Variants in ANKRD11 observed in about 807,000 individuals in gnomAD.
The protein encoded by ANKRD11 is ankyrin repeat domain 11, also known as ankyrin repeat domain-containing protein 11.
A neutral mutation model predicts 195.7 loss-of-function variants in ANKRD11; 17 were observed. The observed-to-expected ratio is 0.09, with a 90% confidence interval of 0.06 to 0.13. The LOEUF (loss-of-function observed/expected upper bound fraction) is 0.13. Ranked by LOEUF, ANKRD11 falls within the 10% of genes least tolerant of loss-of-function variation. The probability of loss-of-function intolerance (pLI) is 1.00; values close to 1 mark genes in which losing one functional copy is unlikely to be tolerated. For synonymous variants in ANKRD11, 1,953 were observed against 1,528.1 expected (o/e 1.28, Z -6.49); for missense variants, 3,735 against 3,566.1 (o/e 1.05, Z -1.21).
chr16:89,479,059 A>G (rs1337973350), intron 1 of ANKRD11, among the ~76,000 whole-genome samples: 1 of 152,008 alleles, frequency 6.6e-6, no homozygotes, highest in Non-Finnish European at 1.5e-5. Context: ...CAAGACCCAC[A>G]CCTTTGGCAG....
chr16:89,336,097 G>A (rs2038339313), intron 2 of ANKRD11, among the ~76,000 whole-genome samples: 1 of 152,242 alleles, frequency 6.6e-6, no homozygotes, highest in Non-Finnish European at 1.5e-5. Context: ...CTGTTAATTT[G>A]CTGATCGTTT....
chr16:89,442,550 A>G (rs2043562037), intron 1 of ANKRD11, among the ~76,000 whole-genome samples: 1 of 152,178 alleles, frequency 6.6e-6, no homozygotes, highest in Non-Finnish European at 1.5e-5. Context: ...ATTTTAGGTC[A>G]AAACAAACCT....
At chr16:89,276,211 G>C (rs1013009185) in intron 9 of ANKRD11, among the ~76,000 whole-genome samples, 1 of 152,192 alleles carries the variant, frequency 6.6e-6, no homozygotes, top group Non-Finnish European at 1.5e-5. Context: ...ACCAACGCTG[G>C]CGATGCCGGG....
At chr16:89,331,528 A>G (rs2038065955) in intron 2 of ANKRD11, among the ~76,000 whole-genome samples, 4 of 152,226 alleles carry the variant, frequency 2.6e-5, no homozygotes, top group Admixed American at 2.6e-4. Context: ...ACTGCTGAAG[A>G]AAATGGCACA....
intron 1 of ANKRD11, among the ~76,000 whole-genome samples, chr16:89,452,570 A>T (rs1347279757): frequency 2.0e-5 from 3 of 151,926 alleles, no homozygotes; most frequent in African/African-American, 7.3e-5. Context: ...TGAGGTCAAG[A>T]GATTGAGACC....
At chr16:89,477,513 G>A (rs1229723552) in intron 1 of ANKRD11, among the ~76,000 whole-genome samples, 4 of 151,720 alleles carry the variant, frequency 2.6e-5, no homozygotes, top group South Asian at 2.1e-4. Context: ...CTGCCACCAC[G>A]CCCAGCTAAT....
At chr16:89,446,341 C>T (rs72803369) in intron 1 of ANKRD11, among the ~76,000 whole-genome samples, 21 of 152,280 alleles carry the variant, frequency 1.4e-4, no homozygotes, top group Non-Finnish European at 2.5e-4. Flanking sequence ...CAGTGGCTCA[C>T]GCCCCTAATC....
chr16:89,480,792 G>A (rs1476758146), intron 1 of ANKRD11, among the ~76,000 whole-genome samples: 1 of 152,144 alleles, frequency 6.6e-6, no homozygotes, highest in African/African-American at 2.4e-5. Context: ...AGTCATTTAG[G>A]CAACACATCT....
intron 2 of ANKRD11, among the ~76,000 whole-genome samples, chr16:89,338,726 C>CAAAAAAAAA (rs34799616): frequency 9.1e-5 from 4 of 43,796 alleles, no homozygotes; most frequent in South Asian, 1.4e-3. Context: ...CACTCAGTCT[C>CAAAAAAAAA]AAAAAAAAAA....
At chr16:89,308,189 T>TA (rs566334259) in intron 3 of ANKRD11, among the ~76,000 whole-genome samples, 1 of 152,044 alleles carries the variant, frequency 6.6e-6, no homozygotes, top group South Asian at 2.1e-4. Context: ...ACAGGATATA[T>TA]AAAAAAAGAC....
intron 1 of ANKRD11, among the ~76,000 whole-genome samples, chr16:89,454,785 T>C (rs1449396026): frequency 2.4e-5 from 2 of 84,538 alleles, no homozygotes; most frequent in African/African-American, 8.6e-5. Context: ...CCTGGGTGCT[T>C]CTAGGGTTCC....
chr16:89,363,740 G>C (rs569457810), intron 2 of ANKRD11, among the ~76,000 whole-genome samples: 238 of 152,228 alleles, frequency 1.6e-3, no homozygotes, highest in African/African-American at 5.6e-3. Context: ...GGAAGAACAC[G>C]GGCCTGCAGG....
In ANKRD11 at chr16:89,304,970, GT is replaced by G. The variant is rs144192651; in HGVS notation, c.226+235del. On this transcript the variant is annotated intron_variant, in intron 4 of 12. Coordinates refer to ENST00000301030, the MANE Select transcript of ANKRD11 (RefSeq NM_013275.6). ...ATGCACCGGGTGCATCTCCACGTGTGTGGGACCCAAGAGTGAAGCTCTCCAA... is the reference window on the plus strand; with the variant it reads ...ATGCACCGGGTGCATCTCCACGTGTGGGGACCCAAGAGTGAAGCTCTCCAA... 4.8e-3 allele frequency: 2,958 copies of G among 614,938 alleles called. 61 individuals are homozygous for G. In the African/African-American group the frequency reaches 0.049, roughly 10 times the overall value. The allele number at this position is 614,938 out of a possible 1,614,324, so 38.1% of individuals were successfully genotyped here.
At chr16:89,438,318 G>C (rs1189072304) in intron 1 of ANKRD11, among the ~76,000 whole-genome samples, 2 of 122,676 alleles carry the variant, frequency 1.6e-5, no homozygotes, top group African/African-American at 6.2e-5. Flanking sequence ...CCTTGGGATA[G>C]GGAACATTTT....
At chr16:89,286,225 A>C (rs780816789) in intron 7 of ANKRD11, 39 bp from the exon 8 acceptor site, 17 of 1,607,488 alleles carry the variant, frequency 1.1e-5, no homozygotes, top group Non-Finnish European at 1.4e-5. Flanking sequence ...ACTGCTGGAG[A>C]AGCACAACTC....
chr16:89,389,879 A>C (rs1438608775), intron 2 of ANKRD11, among the ~76,000 whole-genome samples: 1 of 130,614 alleles, frequency 7.7e-6, no homozygotes, highest in Non-Finnish European at 1.6e-5. Flanking sequence ...ACTGGGGCGA[A>C]CACCGAGTGT....
At chr16:89,351,323 G>A (rs1455162469) in intron 2 of ANKRD11, among the ~76,000 whole-genome samples, 1 of 152,170 alleles carries the variant, frequency 6.6e-6, no homozygotes, top group Non-Finnish European at 1.5e-5. Flanking sequence ...GAAGGGGATG[G>A]CATCCATGGC....
rs1416642296 is a variant in ANKRD11, at chr16:89,280,000, G to A, written c.6542C>T (p.Thr2181Ile). Residue 2181 changes from threonine (T) to isoleucine (I), a missense_variant, in exon 9 of 13, where the codon ACC becomes ATC. By Grantham distance (89) the Thr-to-Ile change is moderately conservative (BLOSUM62 -1). Transcript: ENST00000301030. The surrounding 1 kb of genome is among the most constrained non-coding windows in gnomAD (Gnocchi z 5.6). Reference protein sequence around the residue: ...PGVINGGDVSTVVAEEPPALP... With the variant: ...PGVINGGDVSIVVAEEPPALP... ...TGCCGGCGGCTCCTCAGCCACTACG[G>A]TGGAAACATCCCCACCGTTTATGAC... 4.3e-6 allele frequency: 7 copies of A among 1,612,156 alleles called. No individual in the cohort carries two copies. The highest frequency in any genetic ancestry group is 2.7e-5 in the African/African-American group (2 of 74,932).
intron 2 of ANKRD11, among the ~76,000 whole-genome samples, chr16:89,341,022 A>T (rs888931798): frequency 3.9e-5 from 6 of 152,256 alleles, no homozygotes; most frequent in African/African-American, 1.4e-4. Flanking sequence ...CAGAAAGAAC[A>T]TTTTTAAAAT....
Sources: gnomAD v4.1 joint callset for allele counts (sites outside exome capture counted in the v4.1 genomes callset) on GRCh38, gnomAD v4.1.1 for gene constraint, Gnocchi (gnomAD v3.1) non-coding constraint, MANE v1.5 for transcripts, NCBI Gene and HGNC (gene_info 2026-07-23, HGNC 2026-07-21) for gene names.